Variants in RPS6KC1 observed in about 807,000 individuals in gnomAD.
RPS6KC1 encodes inactive ribosomal protein S6 kinase delta-1.
In RPS6KC1, 54 loss-of-function variants were observed where a neutral mutation model predicts 103.8. The ratio of observed to expected loss-of-function variants is 0.52; its 90% CI spans 0.42 to 0.65. RPS6KC1 has a LOEUF of 0.65. Ranked by LOEUF, RPS6KC1 falls within the 30% of genes least tolerant of loss-of-function variation. RPS6KC1 has a pLI of 0.00. For missense variants in RPS6KC1, 1,151 were observed against 1,253.8 expected, an observed-to-expected ratio of 0.92 and a Z score of 1.24; for synonymous variants, 439 against 438.7, an observed-to-expected ratio of 1.00 and a Z score of -0.01.
the RPS6KC1 span, among the ~76,000 whole-genome samples, chr1:213,307,743 G>A: frequency 6.6e-6 from 1 of 152,098 alleles, no homozygotes; most frequent in African/African-American, 2.4e-5. Flanking sequence ...CCCTGGAGTG[G>A]CTTCTCCATA....
chr1:213,182,720 C>T (rs879936345), intron 8 of RPS6KC1, among the ~76,000 whole-genome samples: 7 of 149,344 alleles, frequency 4.7e-5, no homozygotes, highest in Non-Finnish European at 7.4e-5. Context: ...TCACTTCAAA[C>T]ATAATATAAT....
At chr1:213,088,909 G>A (rs561277515) in intron 3 of RPS6KC1, among the ~76,000 whole-genome samples, 5 of 152,188 alleles carry the variant, frequency 3.3e-5, no homozygotes, top group South Asian at 4.2e-4. Context: ...TACATTTCAC[G>A]CCTACTTGAG....
the RPS6KC1 span, among the ~76,000 whole-genome samples, chr1:213,738,353 A>G: frequency 6.6e-6 from 1 of 152,152 alleles, no homozygotes; most frequent in African/African-American, 2.4e-5. Context: ...TCAAAAAGAC[A>G]ATGAAAGAGA....
At chr1:213,062,342 G>C (rs1419412905) in intron 1 of RPS6KC1, among the ~76,000 whole-genome samples, 1 of 152,042 alleles carries the variant, frequency 6.6e-6, no homozygotes, top group Admixed American at 6.6e-5. Flanking sequence ...CTTGGGTCAT[G>C]TCCCCAATAT....
At chr1:213,602,072 T>TTC in the RPS6KC1 span, among the ~76,000 whole-genome samples, 335 of 53,890 alleles carry the variant, frequency 6.2e-3, 42 homozygotes, top group African/African-American at 0.021. Context: ...CTTTCTTTCT[T>TTC]TCTTTCTCTT....
At chr1:213,542,521 T>C in the RPS6KC1 span, among the ~76,000 whole-genome samples, 1 of 152,184 alleles carries the variant, frequency 6.6e-6, no homozygotes, top group Non-Finnish European at 1.5e-5. Flanking sequence ...TCTCAGTGTA[T>C]GCTGCTCTTT....
chr1:213,250,072 A>G (rs1225944388), intron 12 of RPS6KC1, among the ~76,000 whole-genome samples: 1 of 152,206 alleles, frequency 6.6e-6, no homozygotes, highest in Non-Finnish European at 1.5e-5. Flanking sequence ...CCAGTTCCCC[A>G]CAATACAGCA....
chr1:213,528,078 A>G, the RPS6KC1 span, among the ~76,000 whole-genome samples: 4 of 152,120 alleles, frequency 2.6e-5, no homozygotes, highest in Non-Finnish European at 5.9e-5. Flanking sequence ...AAGAAAATCC[A>G]TGTATAAGTG....
chr1:213,235,613 T>A (rs2094204342), intron 10 of RPS6KC1, among the ~76,000 whole-genome samples: 1 of 151,988 alleles, frequency 6.6e-6, no homozygotes, highest in African/African-American at 2.4e-5. Context: ...GTCCACAGGC[T>A]TAGAGGCAGG....
the RPS6KC1 span, among the ~76,000 whole-genome samples, chr1:213,496,924 C>T: frequency 5.9e-4 from 90 of 152,278 alleles, no homozygotes; most frequent in African/African-American, 2.1e-3. Flanking sequence ...GTTGCAAATG[C>T]TACAAATCAG....
At chr1:213,070,103 T>C (rs2078731683) in intron 1 of RPS6KC1, among the ~76,000 whole-genome samples, 1 of 152,250 alleles carries the variant, frequency 6.6e-6, no homozygotes, top group Non-Finnish European at 1.5e-5. Context: ...AGCCAGTGAT[T>C]ACTTCTCATA....
At chr1:213,651,553 T>C in the RPS6KC1 span, among the ~76,000 whole-genome samples, 2,810 of 152,286 alleles carry the variant, frequency 0.018, 84 homozygotes, top group African/African-American at 0.064. Context: ...TTGAATATCA[T>C]GCCCTGTTCA....
At chr1:213,084,788 T>A (rs1558285445) in intron 3 of RPS6KC1, among the ~76,000 whole-genome samples, 3 of 152,220 alleles carry the variant, frequency 2.0e-5, no homozygotes, top group Non-Finnish European at 2.9e-5. Context: ...TTCCCCCTTT[T>A]TAAAGAGAAC....
At chr1:213,157,499 G>T (rs1440414332) in intron 6 of RPS6KC1, among the ~76,000 whole-genome samples, 1 of 152,146 alleles carries the variant, frequency 6.6e-6, no homozygotes, top group Non-Finnish European at 1.5e-5. Flanking sequence ...GAGCCACCAT[G>T]CCCGGCCTTT....
At chr1:213,566,437 G>GTTTTTTTTTTTTTTTTTTTTTTTT in the RPS6KC1 span, among the ~76,000 whole-genome samples, 10 of 48,484 alleles carry the variant, frequency 2.1e-4, 1 homozygote, top group Non-Finnish European at 3.7e-4. Flanking sequence ...TCAGCCTTTA[G>GTTTTTTTTTTTTTTTTTTTTTTTT]TTTTTTTTTT....
chr1:213,449,544 C>T, the RPS6KC1 span, among the ~76,000 whole-genome samples: 1 of 152,176 alleles, frequency 6.6e-6, no homozygotes, highest in African/African-American at 2.4e-5. Context: ...TAAGGTCCCA[C>T]CCTTATGCCC....
the RPS6KC1 span, among the ~76,000 whole-genome samples, chr1:213,494,364 G>A: frequency 2.0e-5 from 3 of 151,904 alleles, no homozygotes; most frequent in Admixed American, 6.6e-5. Context: ...ATTCTTTGAT[G>A]TTTTCAAAAA....
chr1:213,602,110 T>TTCTCTCTCTCTCTCTC, the RPS6KC1 span, among the ~76,000 whole-genome samples: 3 of 39,310 alleles, frequency 7.6e-5, no homozygotes, highest in Admixed American at 3.2e-4. Context: ...CTTTCTTTCT[T>TTCTCTCTCTCTCTCTC]TCTTTCTTTC....
chr1:213,184,855 C>G (rs1439273764), intron 8 of RPS6KC1, among the ~76,000 whole-genome samples: 1 of 152,058 alleles, frequency 6.6e-6, no homozygotes, highest in Non-Finnish European at 1.5e-5. Context: ...AGAAAAGATG[C>G]TTGACATGAT....
Sources: allele counts gnomAD v4.1 joint callset (sites outside exome capture counted in the v4.1 genomes callset), GRCh38; gene constraint gnomAD v4.1.1; transcripts MANE v1.5; gene names NCBI Gene and HGNC (gene_info 2026-07-23, HGNC 2026-07-21).